RIMS1: variants seen among roughly 807,000 people sequenced by gnomAD.
RIMS1 encodes regulating synaptic membrane exocytosis protein 1.
Under a neutral mutation model 214.1 loss-of-function variants are expected in RIMS1, and 83 were observed. The ratio of observed to expected loss-of-function variants is 0.39; its 90% CI spans 0.32 to 0.47. The LOEUF is 0.47. Among genes scored for constraint, RIMS1 ranks in the 20% least tolerant of loss-of-function variants. RIMS1 has a pLI of 0.99. For missense variants in RIMS1, 2,050 were observed against 2,161.8 expected, an observed-to-expected ratio of 0.95 and a Z score of 1.03; for synonymous variants, 793 against 786.8, an observed-to-expected ratio of 1.01 and a Z score of -0.13.
chr6:71,977,240 G>A (rs1048596677), intron 2 of RIMS1, among the ~76,000 whole-genome samples: 1 of 152,140 alleles, frequency 6.6e-6, no homozygotes, highest in African/African-American at 2.4e-5. Context: ...TGCTGCTGCT[G>A]AGCCATGTGG....
intron 1 of RIMS1, among the ~76,000 whole-genome samples, chr6:71,906,475 A>G (rs1334876457): frequency 6.6e-6 from 1 of 152,194 alleles, no homozygotes; most frequent in Non-Finnish European, 1.5e-5. Flanking sequence ...AGAAAAAATA[A>G]TTTAAATAAA....
chr6:72,008,391 G>A (rs1187328320), intron 2 of RIMS1, among the ~76,000 whole-genome samples: 3 of 152,132 alleles, frequency 2.0e-5, no homozygotes, highest in Admixed American at 6.6e-5. Context: ...AAAGACCGTC[G>A]AGGCTAGGAA....
chr6:72,389,449 G>T (rs1361092887), intron 29 of RIMS1, among the ~76,000 whole-genome samples: 1 of 152,062 alleles, frequency 6.6e-6, no homozygotes, highest in Non-Finnish European at 1.5e-5. Flanking sequence ...AGTTCATATA[G>T]CATAACCTAT....
chr6:72,183,173 CG>C, intron 6 of RIMS1, 24 bp downstream of exon 6: 1 of 1,580,172 alleles, frequency 6.3e-7, no homozygotes, highest in Non-Finnish European at 8.6e-7. Flanking sequence ...GCCGGCCGTG[CG>C]GGGACTTCAG....
At chr6:72,396,513 C>T (rs572711105) in intron 31 of RIMS1, among the ~76,000 whole-genome samples, 3 of 152,236 alleles carry the variant, frequency 2.0e-5, no homozygotes, top group South Asian at 4.2e-4. Flanking sequence ...CCTCAAGAAA[C>T]TCTTTGCAGC....
chr6:72,117,736 A>G (rs1475909293), intron 4 of RIMS1, among the ~76,000 whole-genome samples: 1 of 151,998 alleles, frequency 6.6e-6, no homozygotes, highest in African/African-American at 2.4e-5. Flanking sequence ...GAATGGTAGT[A>G]GTAACACAAC....
rs2048174140 is a variant in RIMS1 at position 72,179,686 on chromosome 6, G to A, written c.583G>A (p.Asp195Asn). ...QQTSQDGTLS[D>N]TATGAGSEVP... is the part of the protein sequence containing the mutation. ...GACAAGTCAGGATGGAACCCTGAGT[G>A]ATACAGCTACAGGTGCTGGCTCTGA... Residue 195 changes from aspartate (D) to asparagine (N), a missense_variant, in exon 5 of 34, where the codon GAT becomes AAT. This residue lies in a region of RIMS1 where 882 missense variants were observed against 828.9 expected (regional missense o/e 1.06). Coordinates refer to ENST00000521978, the MANE Select transcript of RIMS1 (RefSeq NM_014989.7). 1.2e-6 allele frequency: 2 copies of A among 1,613,878 alleles called. No homozygotes were observed.
intron 1 of RIMS1, among the ~76,000 whole-genome samples, chr6:71,920,280 A>G (rs1299690227): frequency 1.3e-5 from 2 of 152,226 alleles, no homozygotes; most frequent in Non-Finnish European, 2.9e-5. Context: ...GGACATTAGT[A>G]GTAAAACTGG....
chr6:71,968,856 G>A, intron 1 of RIMS1, 127 bp from the exon 2 acceptor site: 2 of 931,818 alleles, frequency 2.1e-6, no homozygotes, highest in South Asian at 1.6e-5. Flanking sequence ...GGGGCCCCAA[G>A]GTTAATGTTG....
chr6:72,220,855 G>A (rs936717963), intron 6 of RIMS1, among the ~76,000 whole-genome samples: 14 of 152,004 alleles, frequency 9.2e-5, no homozygotes, highest in African/African-American at 3.4e-4. Context: ...TGATTTCAGA[G>A]GCTAGTTTTG....
chr6:72,078,183 A>G (rs1323155385), intron 2 of RIMS1, among the ~76,000 whole-genome samples: 1 of 152,220 alleles, frequency 6.6e-6, no homozygotes, highest in African/African-American at 2.4e-5. Flanking sequence ...ATGTGGTTAT[A>G]GTAGGATTTA....
At position 72,156,009 on chromosome 6, in the gene RIMS1, C is replaced by T. The variant is rs1386479122; in HGVS notation, c.472-23566C>T. The stretch of plus-strand genomic sequence containing the variant: ...TATGGAGAAAAAAATAACACTTATA[C>T]CCTGTTGGTAGGAATGTAAATTGAC... On this transcript the variant is annotated intron_variant, in intron 4 of 33. Transcript: ENST00000521978. 5 of 302,598 alleles carry T rather than the reference C, an allele frequency of 1.7e-5. 1 individual carries two copies. Among genetic ancestry groups the T allele is most frequent in the Non-Finnish European group, 3.3e-5 (5 of 149,930 alleles). The allele number at this position is 302,598 out of a possible 1,614,324, so 18.7% of individuals were successfully genotyped here. A position where few individuals can be genotyped will look rare whatever the true frequency, so the allele number is the denominator to read the frequency against.
chr6:72,120,870 T>G (rs755116127), intron 4 of RIMS1, among the ~76,000 whole-genome samples: 1 of 152,012 alleles, frequency 6.6e-6, no homozygotes, highest in African/African-American at 2.4e-5. Context: ...TTTCTACATA[T>G]AGCTAGCCAG....
intron 29 of RIMS1, among the ~76,000 whole-genome samples, chr6:72,351,464 A>C (rs2097444041): frequency 6.6e-6 from 1 of 152,196 alleles, no homozygotes; most frequent in South Asian, 2.1e-4. Flanking sequence ...GTCCTTTGTA[A>C]GGCTTATAAT....
At chr6:72,299,259 C>T (rs2094394092) in intron 26 of RIMS1, among the ~76,000 whole-genome samples, 1 of 151,844 alleles carries the variant, frequency 6.6e-6, no homozygotes, top group Non-Finnish European at 1.5e-5. Context: ...AAGTTTTTGG[C>T]TCTTGGAAGC....
At chr6:72,066,098 T>G (rs1829233509) in intron 2 of RIMS1, among the ~76,000 whole-genome samples, 2 of 152,216 alleles carry the variant, frequency 1.3e-5, no homozygotes, top group Admixed American at 1.3e-4. Context: ...CAGATTAAAC[T>G]AAGTATGTGG....
chr6:72,385,370 A>G (rs563890501), intron 29 of RIMS1, among the ~76,000 whole-genome samples: 6 of 152,252 alleles, frequency 3.9e-5, no homozygotes, highest in Non-Finnish European at 8.8e-5. Flanking sequence ...AGATAATTAT[A>G]CATTTGTGCT....
intron 10 of RIMS1, among the ~76,000 whole-genome samples, chr6:72,244,141 C>A (rs542368792): frequency 2.0e-3 from 309 of 151,736 alleles, no homozygotes; most frequent in Non-Finnish European, 3.5e-3. Context: ...ATATAACTTA[C>A]AAGCACATTG....
At chr6:71,996,729 T>C (rs1409888929) in intron 2 of RIMS1, among the ~76,000 whole-genome samples, 1 of 152,110 alleles carries the variant, frequency 6.6e-6, no homozygotes, top group Non-Finnish European at 1.5e-5. Flanking sequence ...GCACAACCTC[T>C]GTGTAGATAG....
Sources: gnomAD v4.1 joint callset for allele counts (sites outside exome capture counted in the v4.1 genomes callset) on GRCh38, gnomAD v4.1.1 for gene constraint, gnomAD v4.1.1 regional missense constraint, MANE v1.5 for transcripts, NCBI Gene and HGNC (gene_info 2026-07-23, HGNC 2026-07-21) for gene names.